The following AK8 variants were observed in gnomAD, a reference collection of about 807,000 sequenced individuals.
AK8 encodes the protein adenylate kinase 8.
AK8 carries 44 observed loss-of-function variants against 54.6 expected under a neutral mutation model. That is an observed-to-expected ratio of 0.81 (90% CI 0.63 to 1.04). AK8 has a LOEUF of 1.04. Ranked by LOEUF, AK8 falls within the 50% of genes least tolerant of loss-of-function variation. AK8 has a pLI of 0.00. For synonymous variants in AK8, 239 were observed against 245.6 expected, an observed-to-expected ratio of 0.97 and a Z score of 0.25; for missense variants, 555 against 613.6, an observed-to-expected ratio of 0.90 and a Z score of 1.01.
chr9:132,752,620 A>G (rs1184668302), intron 11 of AK8, among the ~76,000 whole-genome samples: 1 of 151,736 alleles, frequency 6.6e-6, no homozygotes, highest in Non-Finnish European at 1.5e-5. Flanking sequence ...CACCTTCGCC[A>G]CACCCTGCCC....
rs187355407 is a variant in AK8 at position 132,871,954 on chromosome 9, A to T, written c.169+3161T>A. 3.3e-5 allele frequency among the ~76,000 whole-genome samples: 5 copies of T among 152,344 alleles called. No individual in the cohort carries two copies. The East Asian group carries it at 9.6e-4, about 29-fold the overall frequency. On this transcript the variant is annotated intron_variant, in intron 2 of 12. Coordinates refer to ENST00000298545, the MANE Select transcript of AK8 (RefSeq NM_152572.3). Reference sequence around the variant, plus strand: ...AGAGGAGCAAGATCAAAACAAAGAGATGATTGAATCTGCCTCAAATTTCTT... The same window carrying T: ...AGAGGAGCAAGATCAAAACAAAGAGTTGATTGAATCTGCCTCAAATTTCTT...
chr9:132,824,928 T>G (rs1841810369), intron 8 of AK8, among the ~76,000 whole-genome samples: 1 of 152,342 alleles, frequency 6.6e-6, no homozygotes, highest in Admixed American at 6.5e-5. Flanking sequence ...GGTTGCGTTA[T>G]TCATGTCCCA....
At chr9:132,864,756 T>C (rs1408311119) in intron 3 of AK8, among the ~76,000 whole-genome samples, 1 of 152,216 alleles carries the variant, frequency 6.6e-6, no homozygotes. Flanking sequence ...ATGCTGGGAC[T>C]TGCCGAAAGC....
intron 5 of AK8, among the ~76,000 whole-genome samples, chr9:132,846,906 C>T (rs1477436071): frequency 6.6e-6 from 1 of 152,240 alleles, no homozygotes; most frequent in East Asian, 1.9e-4. Context: ...TGTAGGGTCC[C>T]GTGAAGCTGG....
At chr9:132,863,849 C>T in intron 3 of AK8, 71 bp from the exon 4 acceptor site, 1 of 1,159,638 alleles carries the variant, frequency 8.6e-7, no homozygotes. Context: ...TATTAAAATG[C>T]CCTGGTCCTT....
At chr9:132,780,203 G>T (rs915915790) in intron 11 of AK8, among the ~76,000 whole-genome samples, 1 of 152,186 alleles carries the variant, frequency 6.6e-6, no homozygotes, top group African/African-American at 2.4e-5. Flanking sequence ...AGGAGAAAGA[G>T]AAAAGCAGAG....
chr9:132,878,384 C>A (rs956096539), upstream of AK8: 1 of 1,244,010 alleles, frequency 8.0e-7, no homozygotes, highest in South Asian at 3.9e-5. The surrounding 1 kb of genome is among the most constrained non-coding windows in gnomAD (Gnocchi z 4.7). Flanking sequence ...GATCCTCGGT[C>A]GCGCGGGTCG....
chr9:132,741,228 C>T (rs1837375633), intron 11 of AK8, among the ~76,000 whole-genome samples: 1 of 152,224 alleles, frequency 6.6e-6, no homozygotes, highest in African/African-American at 2.4e-5. Context: ...TGGTTCCAGG[C>T]AGGGCCTGTG....
At chr9:132,760,878 G>A (rs889097424) in intron 11 of AK8, among the ~76,000 whole-genome samples, 4 of 151,960 alleles carry the variant, frequency 2.6e-5, no homozygotes, top group African/African-American at 9.7e-5. Context: ...TCAAGTAATA[G>A]CTTTTCTAAA....
At chr9:132,766,955 T>C (rs1433261595) in intron 11 of AK8, among the ~76,000 whole-genome samples, 1 of 152,176 alleles carries the variant, frequency 6.6e-6, no homozygotes, top group Non-Finnish European at 1.5e-5. Flanking sequence ...TAGATCTCTA[T>C]CTCTCCTCAT....
intron 11 of AK8, among the ~76,000 whole-genome samples, chr9:132,777,248 A>C (rs1400413420): frequency 6.6e-6 from 1 of 152,158 alleles, no homozygotes; most frequent in Non-Finnish European, 1.5e-5. Context: ...AATATTAGGA[A>C]TAAATATGGT....
At chr9:132,741,289 A>G (rs1837378750) in intron 11 of AK8, among the ~76,000 whole-genome samples, 1 of 152,234 alleles carries the variant, frequency 6.6e-6, no homozygotes, top group African/African-American at 2.4e-5. Flanking sequence ...CTTGGAAGTT[A>G]GCAGTCAGTG....
At chr9:132,778,326 T>G (rs1046108310) in intron 11 of AK8, among the ~76,000 whole-genome samples, 6 of 152,160 alleles carry the variant, frequency 3.9e-5, no homozygotes, top group African/African-American at 1.2e-4. Context: ...AGAGCTGCAG[T>G]AATGGAGTTA....
chr9:132,765,292 C>CAAAAAAA (rs61495439), intron 11 of AK8, among the ~76,000 whole-genome samples: 4,956 of 62,496 alleles, frequency 0.079, 852 homozygotes, highest in South Asian at 0.19. Context: ...GACTCCATTT[C>CAAAAAAA]AAAAAAAAAA....
At chr9:132,857,405 A>C (rs1160805229) in intron 4 of AK8, among the ~76,000 whole-genome samples, 1 of 152,038 alleles carries the variant, frequency 6.6e-6, no homozygotes, top group Non-Finnish European at 1.5e-5. Context: ...CTAGAGAGGG[A>C]GGGTGTCTTT....
chr9:132,769,764 T>C (rs905686813), intron 11 of AK8: 5 of 152,194 alleles, frequency 3.3e-5, no homozygotes, highest in African/African-American at 1.2e-4. Context: ...TGTTAATTAA[T>C]AAAGCTGTCA....
At chr9:132,875,354 GT>G (rs1844047229) in intron 1 of AK8, 155 bp from the exon 2 acceptor site, 1 of 981,302 alleles carries the variant, frequency 1.0e-6, no homozygotes, top group Admixed American at 6.2e-5. Flanking sequence ...ATCTGCTTGG[GT>G]CCCCATGAGC....
intron 11 of AK8, among the ~76,000 whole-genome samples, chr9:132,754,508 T>C (rs1838096561): frequency 6.6e-6 from 1 of 152,216 alleles, no homozygotes; most frequent in South Asian, 2.1e-4. Context: ...CATCCCCATC[T>C]GATTGGAAAC....
In AK8 at chr9:132,878,121, G is replaced by C; in HGVS notation, c.84+51C>G. ...CGGCCGCGCACCCGACGTCGCAGTG[G>C]AGGCTCCCGAGCCGCCGCCAGCGTC... On this transcript the variant is annotated intron_variant, in intron 1 of 12. Coordinates refer to ENST00000298545, the MANE Select transcript of AK8 (RefSeq NM_152572.3). The surrounding 1 kb of genome is among the most constrained non-coding windows in gnomAD (Gnocchi z 4.7). 1 of 1,548,128 alleles carries C rather than the reference G, an allele frequency of 6.5e-7. No individual in the cohort carries two copies. The highest frequency in any genetic ancestry group is 2.0e-5 in the Admixed American group (1 of 50,894).
Sources: gnomAD v4.1 joint callset for allele counts (sites outside exome capture counted in the v4.1 genomes callset) on GRCh38, gnomAD v4.1.1 for gene constraint, Gnocchi (gnomAD v3.1) non-coding constraint, MANE v1.5 for transcripts, NCBI Gene and HGNC (gene_info 2026-07-23, HGNC 2026-07-21) for gene names.